MYCBP2: variants seen among roughly 807,000 people sequenced by gnomAD.
MYCBP2 encodes E3 ubiquitin-protein ligase MYCBP2.
A neutral mutation model predicts 525.3 loss-of-function variants in MYCBP2; 120 were observed. The ratio of observed to expected loss-of-function variants is 0.23; its 90% CI spans 0.20 to 0.27. The LOEUF is 0.27. MYCBP2 is among the 10% of genes least tolerant of loss of function. The pLI is 1.00. For synonymous variants in MYCBP2, 1,894 were observed against 1,955.8 expected (o/e 0.97, Z 0.83); for missense variants, 4,149 against 5,657.1 (o/e 0.73, Z 8.55).
intron 21 of MYCBP2, among the ~76,000 whole-genome samples, chr13:77,217,511 T>A (rs1445409640): frequency 6.6e-6 from 1 of 152,206 alleles, no homozygotes; most frequent in African/African-American, 2.4e-5. Flanking sequence ...GAAAAATTCA[T>A]CTCTACAAGT....
At chr13:77,214,696 G>A (rs556706571) in intron 21 of MYCBP2, among the ~76,000 whole-genome samples, 4 of 150,200 alleles carry the variant, frequency 2.7e-5, no homozygotes, top group East Asian at 1.9e-4. Context: ...AAACCTAGAC[G>A]GTATATCTAC....
intron 16 of MYCBP2, among the ~76,000 whole-genome samples, 179 bp downstream of exon 16, chr13:77,243,627 A>AAG (rs2069290741): frequency 6.6e-6 from 1 of 152,054 alleles, no homozygotes; most frequent in South Asian, 2.1e-4. Context: ...AAAGAAAAAA[A>AAG]AAAAAAAGAA....
intron 2 of MYCBP2, among the ~76,000 whole-genome samples, chr13:77,296,146 AC>A (rs1277406360): frequency 2.6e-5 from 4 of 152,190 alleles, no homozygotes; most frequent in Admixed American, 2.0e-4. Context: ...TAGGCTGGGC[AC>A]AGTGGCTCAT....
At position 77,126,522 on chromosome 13, in the gene MYCBP2, A is replaced by G. The variant is rs1325227964; in HGVS notation, c.7680T>C (p.Asp2560=). The G allele has an allele frequency of 6.2e-7, 1 of 1,613,482 alleles. No homozygotes were observed. Among genetic ancestry groups the G allele is most frequent in the Non-Finnish European group, 8.5e-7 (1 of 1,179,626 alleles). ...VPVDESKTNT[D]DFFKDINSCC... is the part of the protein sequence containing the mutation. The stretch of plus-strand genomic sequence containing the variant: ...AGGAGTTTATGTCTTTGAAAAAGTC[A>G]TCAGTATTAGTTTTAGATTCCTGAA... The change falls in exon 53 of 83, where the codon GAT becomes GAC. Residue 2560 remains aspartate (D), a synonymous_variant. Transcript: ENST00000544440.
chr13:77,248,620 T>A (rs899349026), intron 15 of MYCBP2, among the ~76,000 whole-genome samples: 2 of 152,098 alleles, frequency 1.3e-5, no homozygotes, highest in Non-Finnish European at 2.9e-5. Flanking sequence ...ATCATAAGTG[T>A]TAAGAAGGAT....
intron 68 of MYCBP2, among the ~76,000 whole-genome samples, chr13:77,071,265 G>A (rs1446432147): frequency 1.1e-5 from 1 of 87,408 alleles, no homozygotes; most frequent in East Asian, 3.0e-4. Context: ...GCACGTGTGT[G>A]CACACGCACA....
chr13:77,268,758 G>A (rs978759819), intron 7 of MYCBP2, among the ~76,000 whole-genome samples: 11 of 147,484 alleles, frequency 7.5e-5, no homozygotes, highest in Non-Finnish European at 8.9e-5. Flanking sequence ...CAGCCTCAGC[G>A]ACAAGAGCAA....
chr13:77,074,428 CA>C (rs2041946026), intron 68 of MYCBP2, among the ~76,000 whole-genome samples: 1 of 151,848 alleles, frequency 6.6e-6, no homozygotes, highest in Non-Finnish European at 1.5e-5. Flanking sequence ...AATCATGAAT[CA>C]AAAAAACAAG....
chr13:77,227,034 T>C (rs2154297190), intron 18 of MYCBP2, among the ~76,000 whole-genome samples: 1 of 152,256 alleles, frequency 6.6e-6, no homozygotes, highest in African/African-American at 2.4e-5. Flanking sequence ...AAAAGTCCTT[T>C]AACATACAAG....
intron 58 of MYCBP2, among the ~76,000 whole-genome samples, chr13:77,095,049 C>T (rs1463974061): frequency 2.0e-5 from 3 of 152,120 alleles, no homozygotes; most frequent in Non-Finnish European, 4.4e-5. Context: ...CTTTACACTT[C>T]AGCATTTCGC....
intron 66 of MYCBP2, chr13:77,077,970 A>C (rs2042606630): frequency 6.6e-6 from 1 of 152,252 alleles, no homozygotes; most frequent in South Asian, 2.1e-4. Context: ...ACTGTGAAAT[A>C]GTTCTTGACA....
chr13:77,232,568 T>G, intron 18 of MYCBP2, among the ~76,000 whole-genome samples: 1 of 152,314 alleles, frequency 6.6e-6, no homozygotes, highest in East Asian at 1.9e-4. Flanking sequence ...CAGACTAGGA[T>G]AGCCCTCTGA....
In MYCBP2 at chr13:77,088,207, T is replaced by C. The variant is rs755156842; in HGVS notation, c.10726-574A>G. 4.8e-4 allele frequency among the ~76,000 whole-genome samples: 73 copies of C among 152,188 alleles called. 2 individuals carry two copies. The highest frequency in any genetic ancestry group is 1.6e-4 in the Non-Finnish European group (11 of 68,022). On this transcript the variant is annotated intron_variant, in intron 61 of 82. Transcript: ENST00000544440. ...TAAGATACAATACCAAAATATTTTT[T>C]CAAATCACATTTTACTTTGAAAATT...
intron 18 of MYCBP2, among the ~76,000 whole-genome samples, chr13:77,226,024 C>T (rs988328452): frequency 3.3e-5 from 5 of 152,134 alleles, no homozygotes; most frequent in African/African-American, 9.7e-5. Flanking sequence ...CTTAGAAAGG[C>T]TACACTGCCC....
Position 77,326,444 on chromosome 13 carries a change from G to T in MYCBP2, c.302+30C>A, listed in dbSNP as rs761785205. The T allele has an allele frequency of 3.9e-6, 6 of 1,519,032 alleles. No individual in the cohort carries two copies. The highest frequency in any genetic ancestry group is 4.3e-5 in the Admixed American group (2 of 46,066). The allele number at this position is 1,519,032 out of a possible 1,614,324, so 94.1% of individuals were successfully genotyped here. ...TGGGGCGCAAGGAAGGGCGGCATGG[G>T]GCGCAAGGAAGGGCACCCTGGGGAC... is the stretch of plus-strand genomic sequence containing the variant. On this transcript the variant is annotated intron_variant, in intron 1 of 82. Transcript: ENST00000544440. This position sits in a 1 kb window ranked among gnomAD's most constrained non-coding sequence, Gnocchi z 4.2.
rs564188258 is a variant in MYCBP2 at position 77,139,729 on chromosome 13, A to C, written c.7518+318T>G. 1.1e-3 allele frequency among the ~76,000 whole-genome samples: 164 copies of C among 152,350 alleles called. 2 individuals carry two copies. The highest frequency in any genetic ancestry group is 3.3e-3 in the African/African-American group (139 of 41,586). On this transcript the variant is annotated intron_variant, in intron 51 of 82. Coordinates refer to ENST00000544440, the MANE Select transcript of MYCBP2 (RefSeq NM_015057.5). ...TACTGTCCAAAGTTAAAGCAGTAAG[A>C]AACACATTTCAAAACAAACAACATT...
Position 77,067,808 on chromosome 13 carries a change from G to A in MYCBP2, c.12228C>T (p.Ser4076=). Residue 4076 remains serine (S), a synonymous_variant, in exon 71 of 83, where the codon AGC becomes AGT. Transcript: ENST00000544440. ...GGGGGAGGGATTTCACTCCTATGAT[G>A]CTGGCCAGACGACTAGGGGTTACTT... ...LPEVTPSRLA[S]IIGVKSLPPA... 6.2e-7 allele frequency: 1 copy of A among 1,614,112 alleles called. No homozygotes were observed.
At chr13:77,148,571 T>C (rs2055986074) in intron 47 of MYCBP2, among the ~76,000 whole-genome samples, 1 of 152,106 alleles carries the variant, frequency 6.6e-6, no homozygotes, top group Non-Finnish European at 1.5e-5. Context: ...TTAGCTACCA[T>C]ATACTTAACT....
chr13:77,233,265 T>G lies in MYCBP2; in HGVS notation c.2630-2A>C, dbSNP rs373873724. 1.3e-5 allele frequency: 21 copies of G among 1,610,304 alleles called. No individual in the cohort carries two copies. Among genetic ancestry groups the G allele is most frequent in the Non-Finnish European group, 1.6e-5 (19 of 1,176,994 alleles). On this transcript the variant is annotated splice_acceptor_variant, in intron 17 of 82. Transcript: ENST00000544440. LOFTEE classifies it high-confidence loss of function. Reference sequence around the variant, plus strand: ...TAGGACCAGCAAATACAAGGGGGCCTGAGGAGAAACATTTTGTATGTGCAT... The same window carrying G: ...TAGGACCAGCAAATACAAGGGGGCCGGAGGAGAAACATTTTGTATGTGCAT...
Sources: gnomAD v4.1 joint callset for allele counts (sites outside exome capture counted in the v4.1 genomes callset) on GRCh38, gnomAD v4.1.1 for gene constraint, Gnocchi (gnomAD v3.1) non-coding constraint, MANE v1.5 for transcripts, NCBI Gene and HGNC (gene_info 2026-07-23, HGNC 2026-07-21) for gene names.